The following MYO9B variants were observed in gnomAD, a reference collection of about 807,000 sequenced individuals.
The protein encoded by MYO9B is unconventional myosin-IXb.
MYO9B carries 71 observed loss-of-function variants against 229.5 expected under a neutral mutation model. That is an observed-to-expected ratio of 0.31 (90% CI 0.26 to 0.38). The LOEUF (loss-of-function observed/expected upper bound fraction) is 0.38, where lower values mean the gene tolerates loss of function less well. Among genes scored for constraint, MYO9B ranks in the 10% least tolerant of loss-of-function variants. The pLI is 1.00. For synonymous variants in MYO9B, 1,185 were observed against 1,235.8 expected (o/e 0.96, Z 0.86); for missense variants, 2,255 against 2,920.5 (o/e 0.77, Z 5.25).
chr19:17,134,622 A>C (rs2072246740), intron 2 of MYO9B, among the ~76,000 whole-genome samples: 1 of 151,406 alleles, frequency 6.6e-6, no homozygotes, highest in Admixed American at 6.6e-5. Flanking sequence ...AACTGACCTC[A>C]AGTGATCTGC....
At chr19:17,152,583 C>A in intron 3 of MYO9B, 61 bp from the exon 4 acceptor site, 7 of 1,370,918 alleles carry the variant, frequency 5.1e-6, no homozygotes, top group South Asian at 2.6e-5. Flanking sequence ...AAAAACAACT[C>A]AATATTAACA....
chr19:17,146,509 G>A (rs1407774132), intron 3 of MYO9B, among the ~76,000 whole-genome samples: 1 of 151,618 alleles, frequency 6.6e-6, no homozygotes, highest in Admixed American at 6.6e-5. Flanking sequence ...ATAGGTAGGT[G>A]GACGAATAAA....
At position 17,101,509 on chromosome 19, in the gene MYO9B, G is replaced by A. The variant is rs950276024; in HGVS notation, c.-58-151G>A. On this transcript the variant is annotated intron_variant, in intron 1 of 39. Transcript: ENST00000682292. The surrounding 1 kb of genome is among the most constrained non-coding windows in gnomAD (Gnocchi z 4.7). ...CAGACAGACCCTCACGGGATGTCGT[G>A]ACTGGTTGCCTCTGGCTTTTTGGGC... 13 of 683,708 alleles carry A rather than the reference G, an allele frequency of 1.9e-5. No homozygotes were observed. Among genetic ancestry groups the A allele is most frequent in the Admixed American group, 3.0e-5 (1 of 33,248 alleles). The allele number at this position is 683,708 out of a possible 1,614,324, so 42.4% of individuals were successfully genotyped here.
intron 2 of MYO9B, among the ~76,000 whole-genome samples, chr19:17,108,902 C>T (rs993051937): frequency 1.3e-5 from 2 of 151,310 alleles, no homozygotes; most frequent in African/African-American, 2.4e-5. Context: ...TTAGTAGAGA[C>T]GGGTTTCACC....
At chr19:17,078,902 C>T (rs1422094576) in intron 1 of MYO9B, among the ~76,000 whole-genome samples, 2 of 152,186 alleles carry the variant, frequency 1.3e-5, no homozygotes, top group Non-Finnish European at 2.9e-5. Flanking sequence ...GTTCCTTGAG[C>T]TTTCTAGAAA....
At chr19:17,202,720 G>T in intron 28 of MYO9B, 122 bp from the exon 29 acceptor site, 1 of 992,876 alleles carries the variant, frequency 1.0e-6, no homozygotes, top group Non-Finnish European at 1.5e-6. Context: ...TAGGGACAAT[G>T]ATGCCACTCC....
At chr19:17,173,080 C>T in intron 13 of MYO9B, 117 bp downstream of exon 13, 24 of 1,222,568 alleles carry the variant, frequency 2.0e-5, no homozygotes, top group South Asian at 8.5e-5. Flanking sequence ...GTTGTGCAAA[C>T]GCCACCTGTC....
intron 16 of MYO9B, 22 bp from the exon 17 acceptor site, chr19:17,184,843 G>C (rs531720304): frequency 6.2e-7 from 1 of 1,613,278 alleles, no homozygotes; most frequent in Non-Finnish European, 8.5e-7. Flanking sequence ...AGGGCAGGCC[G>C]GACCCCATGT....
chr19:17,081,404 T>C (rs2057532718), intron 1 of MYO9B, among the ~76,000 whole-genome samples: 1 of 152,206 alleles, frequency 6.6e-6, no homozygotes, highest in Non-Finnish European at 1.5e-5. Flanking sequence ...ATTTTGTCTC[T>C]TCTCACTCCT....
intron 2 of MYO9B, among the ~76,000 whole-genome samples, chr19:17,119,526 T>C (rs2057939911): frequency 6.6e-6 from 1 of 152,280 alleles, no homozygotes; most frequent in Non-Finnish European, 1.5e-5. Flanking sequence ...CCATCCTTAC[T>C]CTGGAACTGC....
rs1208264321 is a variant in MYO9B, at chr19:17,200,802, G to A, written c.4536G>A (p.Lys1512=). The A allele has an allele frequency of 6.2e-7, 1 of 1,614,030 alleles. No individual in the cohort carries two copies. The highest frequency in any genetic ancestry group is 2.2e-5 in the East Asian group (1 of 44,890). The change falls in exon 26 of 40, where the codon AAG becomes AAA. Residue 1512 remains lysine, a synonymous_variant. Transcript: ENST00000682292. ...AGATCACCAACGCCAATGAGCTCAA[G>A]TACCTGGACGAGTTCCTGCTCAACA... The part of the protein sequence containing the change: ...FRQITNANEL[K]YLDEFLLNKI...
chr19:17,189,153 C>T (rs912180934), intron 19 of MYO9B, among the ~76,000 whole-genome samples: 1 of 144,928 alleles, frequency 6.9e-6, no homozygotes, highest in Non-Finnish European at 1.5e-5. Flanking sequence ...AAGAGCAAAA[C>T]TCTGCCTCAA....
intron 19 of MYO9B, 49 bp from the exon 20 acceptor site, chr19:17,191,048 T>G: frequency 6.3e-7 from 1 of 1,581,296 alleles, no homozygotes; most frequent in Non-Finnish European, 8.6e-7. Flanking sequence ...TCCTCATCGC[T>G]GGCCAGAACA....
At chr19:17,208,354 A>AAAGCAACTC (rs1568304144) in intron 35 of MYO9B, among the ~76,000 whole-genome samples, 1 of 37,608 alleles carries the variant, frequency 2.7e-5, no homozygotes, top group Admixed American at 4.0e-4. Flanking sequence ...AAAAAAAAAA[A>AAAGCAACTC]TCCAGATGGC....
At chr19:17,160,391 G>A (rs1458533494) in intron 8 of MYO9B, among the ~76,000 whole-genome samples, 1 of 152,090 alleles carries the variant, frequency 6.6e-6, no homozygotes, top group African/African-American at 2.4e-5. Context: ...CAAAACGAGG[G>A]GGACACATTC....
intron 2 of MYO9B, among the ~76,000 whole-genome samples, chr19:17,116,247 TG>T (rs765384009): frequency 1.3e-5 from 2 of 152,182 alleles, no homozygotes; most frequent in African/African-American, 2.4e-5. Flanking sequence ...AAGAGGATCA[TG>T]GAACCTGTGG....
At chr19:17,124,997 G>A (rs1156707529) in intron 2 of MYO9B, among the ~76,000 whole-genome samples, 1 of 151,744 alleles carries the variant, frequency 6.6e-6, no homozygotes, top group African/African-American at 2.4e-5. Context: ...GAATGATTTG[G>A]GCATCAAATG....
At chr19:17,126,080 G>A (rs923548468) in intron 2 of MYO9B, among the ~76,000 whole-genome samples, 6 of 152,072 alleles carry the variant, frequency 3.9e-5, no homozygotes, top group African/African-American at 1.2e-4. Flanking sequence ...CATCATCCCC[G>A]ACATGGCCCC....
chr19:17,204,258 C>T (rs1421826229), intron 30 of MYO9B, among the ~76,000 whole-genome samples: 1 of 151,846 alleles, frequency 6.6e-6, no homozygotes, highest in Non-Finnish European at 1.5e-5. Flanking sequence ...GCTGGGTGGC[C>T]TGGGATTCAG....
Sources: allele counts gnomAD v4.1 joint callset (sites outside exome capture counted in the v4.1 genomes callset), GRCh38; gene constraint gnomAD v4.1.1; non-coding constraint Gnocchi (gnomAD v3.1); transcripts MANE v1.5; gene names NCBI Gene and HGNC (gene_info 2026-07-23, HGNC 2026-07-21).